The following CSMD3 variants were observed in gnomAD, a reference collection of about 807,000 sequenced individuals.
CSMD3 encodes the protein CUB and Sushi multiple domains 3.
A neutral mutation model predicts 435.2 loss-of-function variants in CSMD3; 177 were observed. The observed-to-expected ratio is 0.41, with a 90% CI of 0.36 to 0.46. CSMD3 has a LOEUF of 0.46. CSMD3 is among the 20% of genes least tolerant of loss of function. CSMD3 has a pLI of 0.34. For missense variants in CSMD3, 4,265 were observed against 4,504.6 expected (o/e 0.95, Z 1.52); for synonymous variants, 1,656 against 1,520.5 (o/e 1.09, Z -2.07).
At chr8:113,384,730 A>T (rs926852696) in intron 1 of CSMD3, among the ~76,000 whole-genome samples, 1 of 152,194 alleles carries the variant, frequency 6.6e-6, no homozygotes, top group Non-Finnish European at 1.5e-5. Flanking sequence ...CTTCACTGCC[A>T]GTAAAAACAA....
intron 22 of CSMD3, among the ~76,000 whole-genome samples, chr8:112,633,370 C>T (rs957664507): frequency 6.6e-6 from 1 of 151,936 alleles, no homozygotes; most frequent in Non-Finnish European, 1.5e-5. Flanking sequence ...GACTTAGACT[C>T]GGAACATTGT....
intron 67 of CSMD3, 92 bp downstream of exon 67, chr8:112,237,098 T>G (rs1263875236): frequency 2.2e-6 from 3 of 1,387,964 alleles, no homozygotes; most frequent in Admixed American, 1.7e-5. Flanking sequence ...AAATAAACAT[T>G]TCACCATATA....
chr8:112,829,953 T>C (rs1479072491), intron 11 of CSMD3, among the ~76,000 whole-genome samples, 164 bp from the exon 12 acceptor site: 2 of 151,942 alleles, frequency 1.3e-5, no homozygotes, highest in African/African-American at 2.4e-5. Flanking sequence ...TATAAATATA[T>C]ATATAATTTC....
intron 30 of CSMD3, among the ~76,000 whole-genome samples, chr8:112,493,656 A>C (rs569950060): frequency 6.6e-6 from 1 of 152,178 alleles, no homozygotes; most frequent in Admixed American, 6.5e-5. Flanking sequence ...CTTTCAGAGC[A>C]GAGGAATTGT....
At chr8:112,489,289 G>A (rs1820448217) in intron 31 of CSMD3, among the ~76,000 whole-genome samples, 1 of 152,148 alleles carries the variant, frequency 6.6e-6, no homozygotes, top group Non-Finnish European at 1.5e-5. Context: ...GCTGGGTGTA[G>A]TGGCACATGC....
intron 16 of CSMD3, among the ~76,000 whole-genome samples, chr8:112,667,682 C>T (rs1018284164): frequency 2.6e-5 from 4 of 152,116 alleles, no homozygotes; most frequent in Non-Finnish European, 4.4e-5. Context: ...CTACATTAGC[C>T]TGCTCTACTT....
chr8:112,350,022 A>G (rs1185832515), intron 40 of CSMD3, among the ~76,000 whole-genome samples: 1 of 152,112 alleles, frequency 6.6e-6, no homozygotes, highest in African/African-American at 2.4e-5. Flanking sequence ...GAAGAGGAAG[A>G]GACACCAGGA....
chr8:112,845,576 A>G (rs1230689253), intron 11 of CSMD3, among the ~76,000 whole-genome samples: 1 of 152,080 alleles, frequency 6.6e-6, no homozygotes, highest in Non-Finnish European at 1.5e-5. Context: ...ACACAAGAGT[A>G]GTTTAGGTTG....
intron 32 of CSMD3, among the ~76,000 whole-genome samples, chr8:112,469,620 T>G (rs1818324867): frequency 6.6e-6 from 1 of 152,128 alleles, no homozygotes; most frequent in African/African-American, 2.4e-5. Context: ...CCCTCACATG[T>G]ACAGTTCACA....
At chr8:112,339,540 T>C (rs1469711342) in intron 42 of CSMD3, among the ~76,000 whole-genome samples, 1 of 152,130 alleles carries the variant, frequency 6.6e-6, no homozygotes, top group Admixed American at 6.6e-5. Flanking sequence ...CATTCTTTCT[T>C]TGCTTTGCTG....
chr8:112,940,428 T>C (rs2083417577), intron 9 of CSMD3, among the ~76,000 whole-genome samples: 1 of 151,742 alleles, frequency 6.6e-6, no homozygotes, highest in African/African-American at 2.4e-5. Flanking sequence ...AGGCATCAAT[T>C]AAGGCCTTTC....
chr8:113,095,281 C>T (rs10955646), intron 5 of CSMD3, among the ~76,000 whole-genome samples: 102,181 of 151,982 alleles, frequency 0.67, 35,964 homozygotes, highest in East Asian at 0.95. Context: ...TTATAATAAG[C>T]TCCAAAAAAG....
intron 28 of CSMD3, among the ~76,000 whole-genome samples, chr8:112,510,864 T>A (rs1823049559): frequency 6.6e-6 from 1 of 152,218 alleles, no homozygotes; most frequent in Admixed American, 6.5e-5. Context: ...ATAACGTTTG[T>A]TGAATTGCTA....
chr8:113,422,636 C>T (rs893230200), intron 1 of CSMD3, among the ~76,000 whole-genome samples: 6 of 151,984 alleles, frequency 3.9e-5, no homozygotes, highest in African/African-American at 1.4e-4. Context: ...AAGACCCTAT[C>T]CTAGGGAGCT....
At chr8:112,909,533 T>C (rs1186800437) in intron 10 of CSMD3, among the ~76,000 whole-genome samples, 1 of 151,838 alleles carries the variant, frequency 6.6e-6, no homozygotes. Flanking sequence ...TATGTTGAAA[T>C]GTTGATACTT....
At chr8:113,111,005 A>T (rs1430418382) in intron 4 of CSMD3, among the ~76,000 whole-genome samples, 1 of 152,096 alleles carries the variant, frequency 6.6e-6, no homozygotes, top group Admixed American at 6.6e-5. Flanking sequence ...CACTATTCCC[A>T]TTCATGAGAG....
intron 24 of CSMD3, among the ~76,000 whole-genome samples, chr8:112,566,390 G>T (rs529759082): frequency 6.6e-6 from 1 of 152,052 alleles, no homozygotes; most frequent in Non-Finnish European, 1.5e-5. Context: ...GTTGTTATTT[G>T]TAATTCTTAT....
chr8:112,784,090 G>A (rs1380231441), intron 13 of CSMD3, among the ~76,000 whole-genome samples: 2 of 151,884 alleles, frequency 1.3e-5, no homozygotes, highest in Admixed American at 6.6e-5. Flanking sequence ...TAAGCCAAAT[G>A]GTCCTAATAG....
intron 4 of CSMD3, among the ~76,000 whole-genome samples, chr8:113,111,489 A>G (rs986152020): frequency 2.0e-4 from 30 of 152,004 alleles, no homozygotes; most frequent in African/African-American, 7.2e-4. Flanking sequence ...GTGACTATTC[A>G]CTTTCCCCCT....
Sources: gnomAD v4.1 joint callset for allele counts (sites outside exome capture counted in the v4.1 genomes callset) on GRCh38, gnomAD v4.1.1 for gene constraint, MANE v1.5 for transcripts, NCBI Gene and HGNC (gene_info 2026-07-23, HGNC 2026-07-21) for gene names.